CAPN9: variants seen among roughly 807,000 people sequenced by gnomAD.
CAPN9 encodes the protein calpain-9.
In CAPN9, 81 loss-of-function variants were observed where a neutral mutation model predicts 92.8. That is an observed-to-expected ratio of 0.87 (90% confidence interval 0.73 to 1.05). The LOEUF (loss-of-function observed/expected upper bound fraction) is 1.05, where lower values mean the gene tolerates loss of function less well. CAPN9 is among the 50% of genes least tolerant of loss of function. The probability of loss-of-function intolerance (pLI) is 0.00; values close to 1 mark genes in which losing one functional copy is unlikely to be tolerated. For synonymous variants in CAPN9, 304 were observed against 328.0 expected (o/e 0.93, Z 0.79); for missense variants, 848 against 866.2 (o/e 0.98, Z 0.26).
chr1:230,770,889 C>G (rs1278613236), intron 6 of CAPN9, among the ~76,000 whole-genome samples: 1 of 152,148 alleles, frequency 6.6e-6, no homozygotes, highest in African/African-American at 2.4e-5. Context: ...TGAAGGGAGA[C>G]CCTGCCCTTC....
At chr1:230,798,403 C>T (rs1340806029) in intron 19 of CAPN9, among the ~76,000 whole-genome samples, 183 bp downstream of exon 19, 3 of 152,214 alleles carry the variant, frequency 2.0e-5, no homozygotes, top group African/African-American at 7.2e-5. Flanking sequence ...TAAGCCATTA[C>T]AATAATTCTG....
At chr1:230,792,285 A>T in intron 15 of CAPN9, 141 bp from the exon 16 acceptor site, 1 of 689,576 alleles carries the variant, frequency 1.5e-6, no homozygotes, top group Non-Finnish European at 2.6e-6. Context: ...TTTAATCATT[A>T]AAACCACTTC....
At chr1:230,781,116 G>T (rs996930899) in intron 11 of CAPN9, among the ~76,000 whole-genome samples, 4 of 152,034 alleles carry the variant, frequency 2.6e-5, no homozygotes, top group African/African-American at 4.8e-5. Flanking sequence ...TGATCCACCC[G>T]CCTCAGCCTC....
chr1:230,751,667 GAA>G (rs1432859374), intron 1 of CAPN9, among the ~76,000 whole-genome samples: 1 of 61,732 alleles, frequency 1.6e-5, no homozygotes, highest in Non-Finnish European at 3.3e-5. Flanking sequence ...AAGAAAGAAA[GAA>G]AGAAAGAAAG....
intron 6 of CAPN9, among the ~76,000 whole-genome samples, chr1:230,770,070 C>T (rs1442019864): frequency 6.6e-6 from 1 of 152,134 alleles, no homozygotes; most frequent in African/African-American, 2.4e-5. Context: ...GGTTGGCACC[C>T]CAACCCCTGA....
At chr1:230,756,937 G>A (rs900018392) in intron 2 of CAPN9, among the ~76,000 whole-genome samples, 1 of 149,058 alleles carries the variant, frequency 6.7e-6, no homozygotes, top group Admixed American at 6.7e-5. Context: ...GTAAGACACT[G>A]TCTCAAACAA....
At chr1:230,797,762 G>A (rs183105737) in intron 18 of CAPN9, among the ~76,000 whole-genome samples, 8 of 152,298 alleles carry the variant, frequency 5.3e-5, no homozygotes, top group Admixed American at 3.9e-4. Context: ...CAGCACCCAC[G>A]GCACCTTCCT....
At chr1:230,770,712 C>G (rs940120168) in intron 6 of CAPN9, among the ~76,000 whole-genome samples, 1 of 152,188 alleles carries the variant, frequency 6.6e-6, no homozygotes, top group Non-Finnish European at 1.5e-5. Flanking sequence ...AAAGGTATCA[C>G]TCTGCCAGAC....
At chr1:230,788,845 G>A (rs1308933834) in intron 13 of CAPN9, among the ~76,000 whole-genome samples, 1 of 152,168 alleles carries the variant, frequency 6.6e-6, no homozygotes, top group Non-Finnish European at 1.5e-5. Flanking sequence ...AGGTTCATGC[G>A]GGTGCGCAGA....
intron 8 of CAPN9, among the ~76,000 whole-genome samples, chr1:230,777,938 G>A (rs1488169192): frequency 2.0e-5 from 3 of 152,216 alleles, no homozygotes; most frequent in South Asian, 2.1e-4. Flanking sequence ...TAGGCGTCTC[G>A]TCTGGTCTCT....
intron 4 of CAPN9, among the ~76,000 whole-genome samples, chr1:230,766,467 T>C (rs1403533820): frequency 2.6e-5 from 4 of 152,146 alleles, no homozygotes; most frequent in Non-Finnish European, 5.9e-5. Context: ...AGAAAAAACA[T>C]TAGACAAATT....
chr1:230,798,766 G>A (rs1430271020), intron 19 of CAPN9, among the ~76,000 whole-genome samples: 1 of 152,238 alleles, frequency 6.6e-6, no homozygotes, highest in Non-Finnish European at 1.5e-5. Flanking sequence ...GAGGATCCCA[G>A]TGGACCCATC....
intron 7 of CAPN9, 56 bp from the exon 8 acceptor site, chr1:230,774,498 C>A: frequency 8.8e-7 from 1 of 1,132,116 alleles, no homozygotes; most frequent in Non-Finnish European, 1.4e-6. Flanking sequence ...CACATCAAGG[C>A]CATTGTTGCT....
intron 8 of CAPN9, chr1:230,776,947 C>T (rs374920469): frequency 6.6e-6 from 1 of 152,270 alleles, no homozygotes; most frequent in Admixed American, 6.5e-5. Context: ...TTTAGGTTCC[C>T]CAGATTTGTG....
chr1:230,769,630 T>C (rs1157829487), intron 6 of CAPN9, among the ~76,000 whole-genome samples: 2 of 59,102 alleles, frequency 3.4e-5, no homozygotes, highest in Admixed American at 1.6e-4. Flanking sequence ...TCTATCTATC[T>C]ATCTATCTAT....
Position 230,774,559 on chromosome 1 carries a change from C to T in CAPN9, c.881C>T (p.Pro294Leu), listed in dbSNP as rs371287169. Residue 294 changes from proline (P) to leucine (L), a missense_variant, in exon 8 of 20, where the codon CCG becomes CTG. By Grantham distance (98) the Pro-to-Leu change is moderately conservative (BLOSUM62 -3). Coordinates refer to ENST00000271971, the MANE Select transcript of CAPN9 (RefSeq NM_006615.3). ...EWNGSWSDSS[P>L]EWRSVGPAEQ... is the part of the protein sequence containing the mutation. ...CCAATTTTGTTTACTCCTAGTTCTC[C>T]GGAGTGGCGTTCTGTTGGTCCAGCT... 98 of 1,612,094 alleles carry T rather than the reference C, an allele frequency of 6.1e-5. No homozygotes were observed. Among genetic ancestry groups the T allele is most frequent in the African/African-American group, 1.9e-4 (14 of 74,960 alleles).
chr1:230,756,956 G>GA (rs1394297266), intron 2 of CAPN9, among the ~76,000 whole-genome samples: 3 of 144,530 alleles, frequency 2.1e-5, no homozygotes, highest in Non-Finnish European at 4.5e-5. Context: ...AAACAAAAAG[G>GA]AAAAAAAGGA....
intron 13 of CAPN9, among the ~76,000 whole-genome samples, chr1:230,789,124 G>A (rs1006910928): frequency 3.3e-5 from 5 of 152,008 alleles, no homozygotes; most frequent in South Asian, 4.1e-4. Flanking sequence ...GCTTCAGGAC[G>A]GACATGTGTT....
intron 17 of CAPN9, 179 bp from the exon 18 acceptor site, chr1:230,794,984 C>T (rs1668252760): frequency 1.7e-6 from 1 of 583,200 alleles, no homozygotes; most frequent in African/African-American, 1.9e-5. Flanking sequence ...CACTCTCACG[C>T]TGCATTCACA....
Sources: allele counts gnomAD v4.1 joint callset (sites outside exome capture counted in the v4.1 genomes callset), GRCh38; gene constraint gnomAD v4.1.1; transcripts MANE v1.5; gene names NCBI Gene and HGNC (gene_info 2026-07-23, HGNC 2026-07-21).